The following VWA5B1 variants were observed in gnomAD, a reference collection of about 807,000 sequenced individuals.
VWA5B1 encodes the protein von Willebrand factor A domain-containing protein 5B1.
Under a neutral mutation model 118.2 loss-of-function variants are expected in VWA5B1, and 115 were observed. That is an observed-to-expected ratio of 0.97 (90% CI 0.84 to 1.14). VWA5B1 has a LOEUF of 1.14. VWA5B1 is among the 50% of genes most tolerant of loss of function. The probability of loss-of-function intolerance (pLI) is 0.00; values close to 1 mark genes in which losing one functional copy is unlikely to be tolerated. For synonymous variants in VWA5B1, 682 were observed against 658.4 expected (o/e 1.04, Z -0.55); for missense variants, 1,596 against 1,603.8 (o/e 1.00, Z 0.08).
Position 20,306,539 on chromosome 1 carries a change from AT to A in VWA5B1, c.-26-4036del, listed in dbSNP as rs1570066132. The stretch of plus-strand genomic sequence containing the variant: ...TTTACTGGCTGTCTCTTCCATTAGT[AT>A]CTCTACTCACGCCTGCCTGTTCCCA... On this transcript the variant is annotated intron_variant, in intron 1 of 21. Coordinates refer to ENST00000289815, the MANE Select transcript of VWA5B1 (RefSeq NM_001039500.3). Among the ~76,000 whole-genome samples, 3 of 152,294 alleles carry A rather than the reference AT, an allele frequency of 2.0e-5. No individual in the cohort carries two copies. The East Asian group carries it at 5.8e-4, about 29-fold the overall frequency.
At chr1:20,314,267 T>C in intron 3 of VWA5B1, 55 bp from the exon 4 acceptor site, 1 of 1,523,506 alleles carries the variant, frequency 6.6e-7, no homozygotes, top group South Asian at 1.2e-5. Context: ...ACAGCAATCT[T>C]AGAGGGGATC....
intron 3 of VWA5B1, among the ~76,000 whole-genome samples, chr1:20,313,807 C>A (rs537674900): frequency 6.6e-6 from 1 of 152,158 alleles, no homozygotes; most frequent in African/African-American, 2.4e-5. Context: ...CTAGGAGTAA[C>A]CATGATGGGA....
intron 21 of VWA5B1, among the ~76,000 whole-genome samples, 196 bp downstream of exon 21, chr1:20,352,368 A>G (rs1234474983): frequency 1.3e-5 from 2 of 152,018 alleles, no homozygotes; most frequent in Non-Finnish European, 2.9e-5. Context: ...GTTTGCATGA[A>G]TCTCCCCTGC....
chr1:20,342,879 G>A (rs1265856422), intron 15 of VWA5B1, among the ~76,000 whole-genome samples, 200 bp from the exon 16 acceptor site: 3 of 152,164 alleles, frequency 2.0e-5, no homozygotes, highest in Non-Finnish European at 4.4e-5. Flanking sequence ...CCTGGGAGGC[G>A]GATCTGTCCT....
Position 20,347,517 on chromosome 1 carries a change from G to T in VWA5B1, c.2765-728G>T, listed in dbSNP as rs983911702. 2.0e-5 allele frequency among the ~76,000 whole-genome samples: 3 copies of T among 152,072 alleles called. No homozygotes were observed. In the East Asian group the frequency reaches 5.8e-4, roughly 29 times the overall value. ...TGCAGTGACACAATCACAGCTCACT[G>T]CAATCTCTAACTCTTGGACTCAAGT... On this transcript the variant is annotated intron_variant, in intron 17 of 21. Coordinates refer to ENST00000289815, the MANE Select transcript of VWA5B1 (RefSeq NM_001039500.3).
At position 20,359,386 on chromosome 1, in the gene VWA5B1, G is replaced by A. The variant is rs183298016; in HGVS notation, c.*5123G>A. Among the ~76,000 whole-genome samples the A allele has an allele frequency of 7.2e-5, 11 of 152,234 alleles. No individual in the cohort carries two copies. In the East Asian group the frequency reaches 1.5e-3, roughly 21 times the overall value. On this transcript the variant is annotated 3_prime_UTR_variant, in exon 22 of 22. Coordinates refer to ENST00000289815, the MANE Select transcript of VWA5B1 (RefSeq NM_001039500.3). ...GTCATGGAAGCCCTGGATGTCAGCCGTCTAATGTCCACTAATACTCAGCAA... is the reference window on the plus strand; with the variant it reads ...GTCATGGAAGCCCTGGATGTCAGCCATCTAATGTCCACTAATACTCAGCAA...
chr1:20,295,321 TG>T (rs1343053908), intron 1 of VWA5B1, among the ~76,000 whole-genome samples: 1 of 152,048 alleles, frequency 6.6e-6, no homozygotes, highest in African/African-American at 2.4e-5. Context: ...AGGGGGATTG[TG>T]GGGCGGAGCT....
At chr1:20,329,275 TTTTTC>T (rs1194620917) in intron 9 of VWA5B1, among the ~76,000 whole-genome samples, 3 of 150,362 alleles carry the variant, frequency 2.0e-5, no homozygotes, top group Non-Finnish European at 4.4e-5. Context: ...TTTTTTTTCT[TTTTTC>T]TTTTCCCTTT....
chr1:20,337,962 T>C (rs2089769341), intron 14 of VWA5B1, 126 bp downstream of exon 14: 8 of 1,229,384 alleles, frequency 6.5e-6, no homozygotes, highest in Admixed American at 2.0e-5. Context: ...TCACTCCCTC[T>C]TTCCTTCCCT....
intron 16 of VWA5B1, among the ~76,000 whole-genome samples, chr1:20,344,500 A>G (rs2089967623): frequency 6.6e-6 from 1 of 152,224 alleles, no homozygotes. Flanking sequence ...GCCAGCATTA[A>G]TCAAATCATT....
chr1:20,330,948 G>A lies in VWA5B1; in HGVS notation c.1537G>A (p.Glu513Lys). The A allele has an allele frequency of 6.4e-7, 1 of 1,551,356 alleles. No homozygotes were observed. Residue 513 changes from glutamate to lysine, a missense_variant, in exon 11 of 22, where the codon GAG becomes AAG. Physicochemically the swap from Glu to Lys is moderately conservative, Grantham distance 56. Transcript: ENST00000289815. ...GLASVSEGSAELLMEGERLQP... is the reference protein window; with the variant it reads ...GLASVSEGSAKLLMEGERLQP... ...GGCATCTGTGTCCGAGGGCAGTGCT[G>A]AGCTCCTGATGGAGGGGGAGCGGCT... is the stretch of plus-strand genomic sequence containing the variant.
At chr1:20,296,180 A>G (rs2088403403) in intron 1 of VWA5B1, among the ~76,000 whole-genome samples, 1 of 152,174 alleles carries the variant, frequency 6.6e-6, no homozygotes, top group Non-Finnish European at 1.5e-5. Flanking sequence ...TAGGTTTTTT[A>G]AAATGTCACC....
At chr1:20,300,336 G>T (rs969117237) in intron 1 of VWA5B1, among the ~76,000 whole-genome samples, 5 of 152,166 alleles carry the variant, frequency 3.3e-5, no homozygotes, top group African/African-American at 4.8e-5. Context: ...GTCTCTCAGA[G>T]CAGCTGAGAC....
intron 20 of VWA5B1, 42 bp downstream of exon 20, chr1:20,350,968 A>T: frequency 6.5e-7 from 1 of 1,537,500 alleles, no homozygotes; most frequent in Non-Finnish European, 8.8e-7. Context: ...CCTGCCACCC[A>T]TTTTCCTGGG....
rs1323728742 is a variant in VWA5B1 at position 20,353,906 on chromosome 1, G to C, written c.3291G>C (p.Pro1097=). Residue 1097 remains proline (P), a synonymous_variant, in exon 22 of 22, where the codon CCG becomes CCC. Transcript: ENST00000289815. Reference sequence around the variant, plus strand: ...CCCGCCCGTCTGAGTCCAAGACCCCGAGTCCCCAGCTGTGCACCAGCTCCC... The same window carrying C: ...CCCGCCCGTCTGAGTCCAAGACCCCCAGTCCCCAGCTGTGCACCAGCTCCC... ...LTTRPSESKT[P]SPQLCTSSPP... The C allele has an allele frequency of 2.6e-6, 4 of 1,548,548 alleles. No individual in the cohort carries two copies. The African/African-American group carries it at 4.1e-5, about 16-fold the overall frequency.
chr1:20,317,625 A>T lies in VWA5B1; in HGVS notation c.659A>T (p.Glu220Val), dbSNP rs2089060061. Residue 220 changes from glutamate to valine, a missense_variant, in exon 5 of 22, where the codon GAG becomes GTG. By Grantham distance (121) the Glu-to-Val change is moderately radical (BLOSUM62 -2). Coordinates refer to ENST00000289815, the MANE Select transcript of VWA5B1 (RefSeq NM_001039500.3). The stretch of plus-strand genomic sequence containing the variant: ...AACACCGAAGTGTCCAACCCCATGG[A>T]GTATGAGTTCAACTTCCAGCTGGAG... Reference protein sequence around the residue: ...LLNTEVSNPMEYEFNFQLEIR... With the variant: ...LLNTEVSNPMVYEFNFQLEIR... 1 of 1,551,726 alleles carries T rather than the reference A, an allele frequency of 6.4e-7. No homozygotes were observed. The highest frequency in any genetic ancestry group is 1.4e-5 in the African/African-American group (1 of 73,090).
rs377399311 is a variant in VWA5B1 at position 20,294,971 on chromosome 1, G to A, written c.-27+3883G>A. 6.6e-5 allele frequency among the ~76,000 whole-genome samples: 10 copies of A among 152,326 alleles called. No individual in the cohort carries two copies. The East Asian group carries it at 1.7e-3, about 26-fold the overall frequency. On this transcript the variant is annotated intron_variant, in intron 1 of 21. Transcript: ENST00000289815. ...CTCAAAGAGCTAGCTATAGCAAACA[G>A]CAGTGCCACCCTCTAGAAGAGAACT... is the stretch of plus-strand genomic sequence containing the variant.
intron 8 of VWA5B1, among the ~76,000 whole-genome samples, 164 bp from the exon 9 acceptor site, chr1:20,327,726 C>A (rs989068734): frequency 6.6e-6 from 1 of 151,880 alleles, no homozygotes; most frequent in Non-Finnish European, 1.5e-5. Context: ...TCAGTGTCAG[C>A]AAATTTCTTG....
Position 20,318,671 on chromosome 1 carries a change from C to T in VWA5B1, c.791C>T (p.Ala264Val). 6.5e-7 allele frequency: 1 copy of T among 1,546,356 alleles called. No homozygotes were observed. The highest frequency in any genetic ancestry group is 8.7e-7 in the Non-Finnish European group (1 of 1,143,742). The part of the protein sequence containing the change: ...RSAKSIIITL[A>V]NKHTFDRPVE... The stretch of plus-strand genomic sequence containing the variant: ...GCCAAGAGCATCATCATCACCTTGG[C>T]CAACAAGCACACCTTTGACCGGCCT... The change falls in exon 6 of 22, where the codon GCC (alanine) becomes GTC (valine). Residue 264 changes from alanine to valine, a missense_variant. By Grantham distance (64) the Ala-to-Val change is moderately conservative. Coordinates refer to ENST00000289815, the MANE Select transcript of VWA5B1 (RefSeq NM_001039500.3).
Sources: gnomAD v4.1 joint callset for allele counts (sites outside exome capture counted in the v4.1 genomes callset) on GRCh38, gnomAD v4.1.1 for gene constraint, MANE v1.5 for transcripts, NCBI Gene and HGNC (gene_info 2026-07-23, HGNC 2026-07-21) for gene names.